MAP4K4: variants seen among roughly 807,000 people sequenced by gnomAD.
MAP4K4 encodes the protein mitogen-activated protein kinase kinase kinase kinase 4, also known as HPK/GCK-like kinase HGK.
MAP4K4 carries 38 observed loss-of-function variants against 189.6 expected under a neutral mutation model. The observed-to-expected ratio is 0.20, with a 90% CI of 0.15 to 0.26. MAP4K4 has a LOEUF of 0.26. Ranked by LOEUF, MAP4K4 falls within the 10% of genes least tolerant of loss-of-function variation. The pLI, the probability that MAP4K4 is intolerant of heterozygous loss-of-function variation, is 1.00. For missense variants in MAP4K4, 1,054 were observed against 1,726.9 expected (o/e 0.61, Z 6.91); for synonymous variants, 610 against 624.3 (o/e 0.98, Z 0.34).
intron 32 of MAP4K4, among the ~76,000 whole-genome samples, chr2:101,889,345 A>G (rs975414995): frequency 3.9e-5 from 6 of 152,164 alleles, no homozygotes; most frequent in African/African-American, 1.4e-4. Context: ...GCCCCTTGTT[A>G]GTCTGTGAGT....
At chr2:101,763,883 A>G (rs951260324) in intron 2 of MAP4K4, among the ~76,000 whole-genome samples, 1 of 152,216 alleles carries the variant, frequency 6.6e-6, no homozygotes, top group Non-Finnish European at 1.5e-5. Context: ...CTTAAAAAAA[A>G]ATCAGTGTTT....
At chr2:101,798,544 G>A (rs145228981) in intron 3 of MAP4K4, among the ~76,000 whole-genome samples, 3 of 152,262 alleles carry the variant, frequency 2.0e-5, no homozygotes, top group South Asian at 2.1e-4. Context: ...ATTCAGAGAG[G>A]TGCTTGACCT....
In MAP4K4 at chr2:101,739,476, T is replaced by C. The variant is rs139534325; in HGVS notation, c.123+40938T>C. ...TACAGGCAGAGCATTACCTCTGTAA[T>C]ACTTGGTGTGCTGTGCTATGGGTTT... On this transcript the variant is annotated intron_variant, in intron 2 of 32. Transcript: ENST00000324219. Among the ~76,000 whole-genome samples the C allele has an allele frequency of 6.5e-3, 987 of 152,344 alleles. 35 individuals are homozygous for C. Among genetic ancestry groups the C allele is most frequent in the Admixed American group, 0.059 (899 of 15,304 alleles).
At chr2:101,882,772 A>T in intron 28 of MAP4K4, 87 bp downstream of exon 28, 1 of 1,308,930 alleles carries the variant, frequency 7.6e-7, no homozygotes, top group Non-Finnish European at 1.0e-6. Context: ...GGTTTTTTGA[A>T]GTTTGTAATA....
intron 18 of MAP4K4, among the ~76,000 whole-genome samples, chr2:101,865,809 T>C (rs2097793070): frequency 6.6e-6 from 1 of 152,226 alleles, no homozygotes; most frequent in African/African-American, 2.4e-5. Context: ...AGGTGTCAGA[T>C]GGATGATAGC....
chr2:101,819,472 G>A (rs1446379232), intron 3 of MAP4K4, among the ~76,000 whole-genome samples: 1 of 152,190 alleles, frequency 6.6e-6, no homozygotes, highest in Non-Finnish European at 1.5e-5. Context: ...ATGACAATTA[G>A]TGGTGCTAAC....
intron 3 of MAP4K4, among the ~76,000 whole-genome samples, chr2:101,805,365 G>C (rs140173872): frequency 6.6e-6 from 1 of 152,082 alleles, no homozygotes; most frequent in Non-Finnish European, 1.5e-5. Flanking sequence ...GGAACCATAC[G>C]GTACTCTGTG....
Position 101,887,941 on chromosome 2 carries a change from T to C in MAP4K4, c.3931+4T>C. On this transcript the variant is annotated splice_donor_region_variant and intron_variant, in intron 31 of 32. Transcript: ENST00000324219. ...GGAGAGATGCCTACATCAGTAGGTA[T>C]GGAGAACTTGGGGAAAGGCAGCATT... The C allele has an allele frequency of 6.3e-7, 1 of 1,580,544 alleles. No individual in the cohort carries two copies. Among genetic ancestry groups the C allele is most frequent in the African/African-American group, 1.4e-5 (1 of 73,686 alleles).
intron 2 of MAP4K4, among the ~76,000 whole-genome samples, chr2:101,744,915 G>A (rs1018814489): frequency 5.9e-5 from 9 of 152,176 alleles, no homozygotes; most frequent in African/African-American, 1.9e-4. Flanking sequence ...CAGGAGTTTA[G>A]TAACTTTCAT....
At chr2:101,717,813 G>C (rs943793146) in intron 2 of MAP4K4, among the ~76,000 whole-genome samples, 1 of 152,210 alleles carries the variant, frequency 6.6e-6, no homozygotes, top group African/African-American at 2.4e-5. Context: ...GAAGACTCAG[G>C]AGTATAGAGA....
chr2:101,824,226 G>C (rs2096249662), intron 4 of MAP4K4, among the ~76,000 whole-genome samples, 173 bp downstream of exon 4: 2 of 152,140 alleles, frequency 1.3e-5, no homozygotes, highest in Non-Finnish European at 2.9e-5. Flanking sequence ...TTGACTATAT[G>C]CTGGTTGTTT....
chr2:101,862,696 CTA>C (rs1051991255), intron 16 of MAP4K4, among the ~76,000 whole-genome samples: 10 of 151,830 alleles, frequency 6.6e-5, no homozygotes, highest in African/African-American at 2.4e-4. Flanking sequence ...GTGTAGGACT[CTA>C]TTTTAAAACT....
intron 3 of MAP4K4, among the ~76,000 whole-genome samples, chr2:101,804,432 G>C (rs1312351339): frequency 6.6e-6 from 1 of 152,078 alleles, no homozygotes; most frequent in Non-Finnish European, 1.5e-5. Flanking sequence ...CCAAGTCTGA[G>C]TGCAAATTCT....
At chr2:101,718,369 G>C (rs2049681016) in intron 2 of MAP4K4, among the ~76,000 whole-genome samples, 1 of 152,018 alleles carries the variant, frequency 6.6e-6, no homozygotes, top group Non-Finnish European at 1.5e-5. Context: ...TAAGTAACTT[G>C]CCTAAAGACA....
intron 17 of MAP4K4, among the ~76,000 whole-genome samples, chr2:101,864,292 A>G (rs1006175991): frequency 1.7e-4 from 26 of 152,168 alleles, no homozygotes; most frequent in Non-Finnish European, 1.2e-4. Flanking sequence ...TGTAAGAGTA[A>G]GTCTACAAAG....
chr2:101,759,363 A>G (rs2074588991), intron 2 of MAP4K4, among the ~76,000 whole-genome samples: 1 of 151,852 alleles, frequency 6.6e-6, no homozygotes, highest in Non-Finnish European at 1.5e-5. Context: ...GGCGGTCCTG[A>G]ATTTCCCAGC....
At chr2:101,713,201 C>A (rs1574032064) in intron 2 of MAP4K4, among the ~76,000 whole-genome samples, 1 of 152,066 alleles carries the variant, frequency 6.6e-6, no homozygotes, top group Non-Finnish European at 1.5e-5. Flanking sequence ...AACCACTGCG[C>A]CTGGCCTTAA....
chr2:101,719,113 C>T (rs986488159), intron 2 of MAP4K4, among the ~76,000 whole-genome samples: 2 of 152,164 alleles, frequency 1.3e-5, no homozygotes, highest in Admixed American at 1.3e-4. Context: ...TGTAGCTCAA[C>T]CCCTTAGCTT....
At position 101,798,012 on chromosome 2, in the gene MAP4K4, A is replaced by G. The variant is rs1359509466; in HGVS notation, c.180+7236A>G. On this transcript the variant is annotated intron_variant, in intron 3 of 32. Transcript: ENST00000324219. ...CTAGCTCATCGTACCTCAAATTCCT[A>G]GACTCAAATGATCCCCCCCATCTCA... Among the ~76,000 whole-genome samples, 10 of 148,854 alleles carry G rather than the reference A, an allele frequency of 6.7e-5. No individual in the cohort carries two copies. In the East Asian group the frequency reaches 2.0e-3, roughly 30 times the overall value.
Sources: allele counts gnomAD v4.1 joint callset (sites outside exome capture counted in the v4.1 genomes callset), GRCh38; gene constraint gnomAD v4.1.1; transcripts MANE v1.5; gene names NCBI Gene and HGNC (gene_info 2026-07-23, HGNC 2026-07-21).